Variants in JAZF1 observed in about 807,000 individuals in gnomAD.
JAZF1 encodes JAZF zinc finger 1.
In JAZF1, 8 loss-of-function variants were observed where a neutral mutation model predicts 26.4. The observed-to-expected ratio is 0.30, with a 90% CI of 0.18 to 0.55. JAZF1 has a LOEUF of 0.55. Ranked by LOEUF, JAZF1 falls within the 20% of genes least tolerant of loss-of-function variation. The pLI is 0.94. For synonymous variants in JAZF1, 126 were observed against 122.3 expected, an observed-to-expected ratio of 1.03 and a Z score of -0.20; for missense variants, 199 against 322.0, an observed-to-expected ratio of 0.62 and a Z score of 2.92.
chr7:28,088,645 A>G (rs13234714), intron 1 of JAZF1, among the ~76,000 whole-genome samples: 18,218 of 152,070 alleles, frequency 0.12, 1,348 homozygotes, highest in South Asian at 0.25. Flanking sequence ...CCTTGTCCTA[A>G]TATCTCCCAA....
intron 3 of JAZF1, among the ~76,000 whole-genome samples, chr7:27,887,064 A>T (rs755039267): frequency 1.3e-5 from 2 of 152,136 alleles, no homozygotes; most frequent in African/African-American, 4.8e-5. Flanking sequence ...AAAGAGCTAA[A>T]TGATGAGAAT....
intron 1 of JAZF1, among the ~76,000 whole-genome samples, chr7:28,070,394 C>T (rs766340222): frequency 1.3e-5 from 2 of 152,164 alleles, no homozygotes; most frequent in Non-Finnish European, 2.9e-5. Flanking sequence ...TTTGCTTCCA[C>T]GTCCACATAG....
At chr7:27,908,083 T>C (rs1190558315) in intron 2 of JAZF1, among the ~76,000 whole-genome samples, 2 of 152,214 alleles carry the variant, frequency 1.3e-5, no homozygotes, top group Admixed American at 6.5e-5. Context: ...GACTGTAATA[T>C]CTGAGAGAGA....
chr7:28,036,092 G>A (rs1245261514), intron 1 of JAZF1, among the ~76,000 whole-genome samples: 1 of 152,152 alleles, frequency 6.6e-6, no homozygotes, highest in Non-Finnish European at 1.5e-5. Flanking sequence ...ACTTTACTCA[G>A]TAAATTATAA....
intron 2 of JAZF1, among the ~76,000 whole-genome samples, chr7:27,943,793 A>C (rs1221898734): frequency 6.6e-6 from 1 of 152,218 alleles, no homozygotes; most frequent in East Asian, 1.9e-4. Flanking sequence ...TCTCTAGAGC[A>C]TTAGCTGAAA....
At chr7:27,900,494 T>G (rs991201998) in intron 2 of JAZF1, among the ~76,000 whole-genome samples, 1 of 152,224 alleles carries the variant, frequency 6.6e-6, no homozygotes, top group African/African-American at 2.4e-5. Context: ...AGCTTGAAAT[T>G]GGCTATGGCA....
chr7:28,085,968 T>A (rs747517028), intron 1 of JAZF1, among the ~76,000 whole-genome samples: 1 of 152,234 alleles, frequency 6.6e-6, no homozygotes, highest in Non-Finnish European at 1.5e-5. Flanking sequence ...TTCATGAGAA[T>A]TACATGCATT....
intron 1 of JAZF1, among the ~76,000 whole-genome samples, chr7:28,150,249 T>G (rs998022244): frequency 6.6e-6 from 1 of 152,076 alleles, no homozygotes; most frequent in African/African-American, 2.4e-5. Flanking sequence ...TTCAAGGAAG[T>G]AGAAACAGGG....
chr7:28,151,715 C>T (rs1370072902), intron 1 of JAZF1, among the ~76,000 whole-genome samples: 3 of 151,572 alleles, frequency 2.0e-5, no homozygotes, highest in Admixed American at 6.6e-5. Context: ...GGCTTGAACC[C>T]GGGAGGCGGA....
At chr7:28,114,475 C>T (rs1469411762) in intron 1 of JAZF1, among the ~76,000 whole-genome samples, 10 of 151,686 alleles carry the variant, frequency 6.6e-5, no homozygotes. Context: ...TATTCTTAAT[C>T]AAGGAAGGCT....
chr7:28,014,578 A>G (rs1486454902), intron 1 of JAZF1, among the ~76,000 whole-genome samples: 1 of 152,180 alleles, frequency 6.6e-6, no homozygotes, highest in Non-Finnish European at 1.5e-5. Context: ...TCCATGTAAG[A>G]CATGACTTGC....
intron 1 of JAZF1, among the ~76,000 whole-genome samples, chr7:27,996,227 T>C (rs12671110): frequency 1.2e-3 from 181 of 152,162 alleles, no homozygotes; most frequent in African/African-American, 4.3e-3. Flanking sequence ...TTACTTATAA[T>C]GTAAGAAAGT....
At position 28,110,532 on chromosome 7, in the gene JAZF1, GAAAGGA is replaced by G. The variant is rs376047127; in HGVS notation, c.115+69925_115+69930del. Among the ~76,000 whole-genome samples, 6 of 35,544 alleles carry G rather than the reference GAAAGGA, an allele frequency of 1.7e-4. No homozygotes were observed. The South Asian group carries it at 3.5e-3, about 21-fold the overall frequency. 23.3% of individuals were successfully genotyped at this position (35,544 alleles called of 152,430 possible). A position where few individuals can be genotyped will look rare whatever the true frequency, so the allele number is the denominator to read the frequency against. ...AGGAAAGGAAAAGGAAAAGGAAAAG[GAAAGGA>G]AAAGGAAAAGGAAAAGGAAAGGGAA... On this transcript the variant is annotated intron_variant, in intron 1 of 4. Transcript: ENST00000283928.
chr7:28,114,315 G>T (rs1469204259), intron 1 of JAZF1, among the ~76,000 whole-genome samples: 1 of 152,096 alleles, frequency 6.6e-6, no homozygotes, highest in African/African-American at 2.4e-5. Flanking sequence ...TCTCTGAACA[G>T]AACACAGATA....
intron 2 of JAZF1, among the ~76,000 whole-genome samples, chr7:27,956,787 G>T (rs1023851655): frequency 6.6e-6 from 1 of 152,188 alleles, no homozygotes; most frequent in African/African-American, 2.4e-5. Context: ...GGGCTGCTGA[G>T]GACATCTGCC....
At position 27,832,927 on chromosome 7, in the gene JAZF1, A is replaced by G. The variant is rs1307436920; in HGVS notation, c.605T>C (p.Ile202Thr). ...ACACTTGAATGGTTTGCGGACACGA[A>G]TCTGTGTTCTGTGACCATTCTTAGC... ...YHAKNGHRTQ[I>T]RVRKPFKCRC... The change falls in exon 5 of 5, where the codon ATT becomes ACT. Residue 202 changes from isoleucine (I) to threonine (T), a missense_variant. Ile to Thr is a moderately conservative substitution (Grantham distance 89, BLOSUM62 -1). This residue lies in a region of JAZF1 where 62 missense variants were observed against 137.2 expected (regional missense o/e 0.45). Transcript: ENST00000283928. The G allele has an allele frequency of 1.2e-6, 2 of 1,612,174 alleles. No individual in the cohort carries two copies.
chr7:27,913,285 A>G (rs1046760670), intron 2 of JAZF1: 1 of 242,608 alleles, frequency 4.1e-6, no homozygotes, highest in African/African-American at 2.4e-5. Flanking sequence ...TATATTATAT[A>G]TATATATTTG....
intron 2 of JAZF1, among the ~76,000 whole-genome samples, chr7:27,929,967 TCTCC>T (rs1161265683): frequency 2.0e-5 from 3 of 150,604 alleles, no homozygotes; most frequent in East Asian, 1.9e-4. Flanking sequence ...TCTCCCCCTC[TCTCC>T]CTCCCTCCCT....
At chr7:28,162,654 C>T (rs1166861192) in intron 1 of JAZF1, among the ~76,000 whole-genome samples, 2 of 152,196 alleles carry the variant, frequency 1.3e-5, no homozygotes, top group Admixed American at 6.5e-5. Flanking sequence ...TCTTTAAATA[C>T]CCTTTAAGTC....
Sources: allele counts gnomAD v4.1 joint callset (sites outside exome capture counted in the v4.1 genomes callset), GRCh38; gene constraint gnomAD v4.1.1; regional missense constraint gnomAD v4.1.1; transcripts MANE v1.5; gene names NCBI Gene and HGNC (gene_info 2026-07-23, HGNC 2026-07-21).